The following MAPK10 variants were observed in gnomAD, a reference collection of about 807,000 sequenced individuals.
MAPK10 encodes JNK3 alpha protein kinase.
Under a neutral mutation model 59.3 loss-of-function variants are expected in MAPK10, and 25 were observed. That is an observed-to-expected ratio of 0.42 (90% CI 0.31 to 0.59). The LOEUF (loss-of-function observed/expected upper bound fraction) is 0.59. Among genes scored for constraint, MAPK10 ranks in the 20% least tolerant of loss-of-function variants. MAPK10 has a pLI of 0.15. For synonymous variants in MAPK10, 190 were observed against 200.5 expected (o/e 0.95, Z 0.44); for missense variants, 351 against 568.9 (o/e 0.62, Z 3.90).
chr4:86,207,252 G>T (rs1183242840), intron 2 of MAPK10, among the ~76,000 whole-genome samples: 2 of 151,536 alleles, frequency 1.3e-5, no homozygotes, highest in South Asian at 4.2e-4. Context: ...TCCAGTTTCA[G>T]CTTTCTACAT....
At chr4:86,315,207 T>C (rs892103742) in intron 2 of MAPK10, among the ~76,000 whole-genome samples, 11 of 151,826 alleles carry the variant, frequency 7.2e-5, no homozygotes, top group Non-Finnish European at 1.5e-4. Flanking sequence ...ATTGAACTCA[T>C]GGAGATAAGA....
intron 3 of MAPK10, among the ~76,000 whole-genome samples, chr4:86,184,271 T>C (rs1009512091): frequency 1.3e-5 from 2 of 152,118 alleles, no homozygotes; most frequent in Non-Finnish European, 2.9e-5. Flanking sequence ...TTTATGGTTT[T>C]ATGTCGGTTG....
At chr4:86,437,524 C>T (rs1352298641) in intron 1 of MAPK10, among the ~76,000 whole-genome samples, 1 of 152,078 alleles carries the variant, frequency 6.6e-6, no homozygotes, top group Non-Finnish European at 1.5e-5. Context: ...TTGCTAATAA[C>T]TTAAGATTTT....
At chr4:86,359,288 C>CTCTCTCTCTCTCTCTCTGTGTG (rs796310826) in intron 1 of MAPK10, among the ~76,000 whole-genome samples, 3 of 94,634 alleles carry the variant, frequency 3.2e-5, no homozygotes, top group East Asian at 3.0e-4. Flanking sequence ...CTCTCTCTCT[C>CTCTCTCTCTCTCTCTCTGTGTG]TGTGTGTGTG....
intron 2 of MAPK10, among the ~76,000 whole-genome samples, chr4:86,207,944 T>C (rs2084608562): frequency 6.6e-6 from 1 of 152,132 alleles, no homozygotes; most frequent in South Asian, 2.1e-4. Flanking sequence ...AAGGAGATTT[T>C]GGGCTGAGAC....
chr4:86,566,885 A>G lies in MAPK10; in HGVS notation c.-263+27025T>C, dbSNP rs143913863. On this transcript the variant is annotated intron_variant, in intron 1 of 4. Transcript: ENST00000502302. ...TAAGTTCAAGATCGGTCTAGGCAACATGGCGAAACCCCGTCTCTACTAGAA... is the reference window on the plus strand; with the variant it reads ...TAAGTTCAAGATCGGTCTAGGCAACGTGGCGAAACCCCGTCTCTACTAGAA... Among the ~76,000 whole-genome samples, 3 of 152,180 alleles carry G rather than the reference A, an allele frequency of 2.0e-5. No homozygotes were observed. The East Asian group carries it at 5.8e-4, about 29-fold the overall frequency.
At chr4:86,338,746 G>C (rs959887050) in intron 2 of MAPK10, among the ~76,000 whole-genome samples, 3 of 152,162 alleles carry the variant, frequency 2.0e-5, no homozygotes, top group Non-Finnish European at 4.4e-5. Flanking sequence ...AGTACTCCCA[G>C]GGCATTTGTC....
At chr4:86,295,133 G>A (rs897739075) in intron 2 of MAPK10, among the ~76,000 whole-genome samples, 15 of 152,134 alleles carry the variant, frequency 9.9e-5, no homozygotes, top group South Asian at 2.1e-4. Context: ...GTTTAATTAC[G>A]TGTTAGGACA....
At chr4:86,234,192 C>CA (rs1001324236) in intron 2 of MAPK10, among the ~76,000 whole-genome samples, 6 of 151,570 alleles carry the variant, frequency 4.0e-5, no homozygotes, top group African/African-American at 1.5e-4. Context: ...ACAATAACAA[C>CA]AAAAAAATCT....
intron 2 of MAPK10, among the ~76,000 whole-genome samples, chr4:86,223,472 T>A (rs1211237735): frequency 6.6e-6 from 1 of 152,238 alleles, no homozygotes; most frequent in South Asian, 2.1e-4. Flanking sequence ...CTCCTGAGAA[T>A]GGAGGCTCTC....
intron 2 of MAPK10, chr4:86,340,503 C>T (rs1455572693): frequency 1.3e-5 from 2 of 152,162 alleles, no homozygotes; most frequent in African/African-American, 4.8e-5. Context: ...TGGGAACTCA[C>T]TCATTATCAT....
At chr4:86,323,561 T>C (rs1384663731) in intron 2 of MAPK10, among the ~76,000 whole-genome samples, 1 of 152,210 alleles carries the variant, frequency 6.6e-6, no homozygotes, top group African/African-American at 2.4e-5. Context: ...TTCAAAATCA[T>C]AATCACTCCT....
In MAPK10 at chr4:86,068,957, A is replaced by G. The variant is rs2047249890; in HGVS notation, c.803-1002T>C. ...GATCTTGGAAATTCCCTTAAATCCA[A>G]TACTGCAAGCAGTATTCTCTCCTAC... On this transcript the variant is annotated intron_variant, in intron 9 of 13. Transcript: ENST00000641462. 2.0e-5 allele frequency among the ~76,000 whole-genome samples: 3 copies of G among 152,150 alleles called. No individual in the cohort carries two copies. In the South Asian group the frequency reaches 6.2e-4, roughly 31 times the overall value.
chr4:86,184,659 T>A (rs890372011), intron 3 of MAPK10, among the ~76,000 whole-genome samples: 2 of 152,092 alleles, frequency 1.3e-5, no homozygotes, highest in Non-Finnish European at 2.9e-5. Context: ...TCTTATGAGA[T>A]CTGGTTGCTT....
In MAPK10 at chr4:86,547,925, C is replaced by G. The variant is rs1029377767; in HGVS notation, c.-263+45985G>C. On this transcript the variant is annotated intron_variant, in intron 1 of 4. Transcript: ENST00000502302. ...TCTAGCTCAGGGATTGTAAACGCAC[C>G]AATCAGCGCCCTGTCAAAACAGACC... 4.6e-5 allele frequency among the ~76,000 whole-genome samples: 7 copies of G among 152,268 alleles called. No homozygotes were observed. The South Asian group carries it at 1.2e-3, about 27-fold the overall frequency.
intron 2 of MAPK10, among the ~76,000 whole-genome samples, chr4:86,318,428 G>A (rs551161044): frequency 6.6e-6 from 1 of 152,204 alleles, no homozygotes; most frequent in East Asian, 1.9e-4. Flanking sequence ...TTGAATTAGA[G>A]AAAGTTCAAA....
At chr4:86,287,405 T>C (rs1226137524) in intron 2 of MAPK10, among the ~76,000 whole-genome samples, 1 of 152,234 alleles carries the variant, frequency 6.6e-6, no homozygotes, top group Non-Finnish European at 1.5e-5. Flanking sequence ...CTGCACCATA[T>C]AAACTTGACA....
In MAPK10 at chr4:86,389,668, A is replaced by G. The variant is rs535012997; in HGVS notation, c.-121-35024T>C. ...ATTGTCCTGTGTTTTGTGCAATTTTATAATATCCAACACATGACAAACCTT... is the reference window on the plus strand; with the variant it reads ...ATTGTCCTGTGTTTTGTGCAATTTTGTAATATCCAACACATGACAAACCTT... On this transcript the variant is annotated intron_variant, in intron 1 of 13. Transcript: ENST00000361569. Among the ~76,000 whole-genome samples, 3 of 152,324 alleles carry G rather than the reference A, an allele frequency of 2.0e-5. No individual in the cohort carries two copies. The East Asian group carries it at 5.8e-4, about 29-fold the overall frequency.
chr4:86,476,584 C>T (rs1232234796), intron 1 of MAPK10, among the ~76,000 whole-genome samples: 1 of 152,186 alleles, frequency 6.6e-6, no homozygotes, highest in Non-Finnish European at 1.5e-5. Flanking sequence ...TCTCAATATG[C>T]ATTTTATTTT....
Sources: gnomAD v4.1 joint callset for allele counts (sites outside exome capture counted in the v4.1 genomes callset) on GRCh38, gnomAD v4.1.1 for gene constraint, MANE v1.5 for transcripts, NCBI Gene and HGNC (gene_info 2026-07-23, HGNC 2026-07-21) for gene names.